Variants in ABR observed in about 807,000 individuals in gnomAD.
ABR encodes ABR activator of RhoGEF and GTPase, also known as active breakpoint cluster region-related protein.
In ABR, 35 loss-of-function variants were observed where a neutral mutation model predicts 107.2. The ratio of observed to expected loss-of-function variants is 0.33; its 90% CI spans 0.25 to 0.43. ABR has a LOEUF of 0.43. Among genes scored for constraint, ABR ranks in the 20% least tolerant of loss-of-function variants. The probability of loss-of-function intolerance (pLI) is 1.00; values close to 1 mark genes in which losing one functional copy is unlikely to be tolerated. For missense variants in ABR, 815 were observed against 1,115.2 expected (o/e 0.73, Z 3.83); for synonymous variants, 498 against 462.0 (o/e 1.08, Z -1.00).
At chr17:1,063,396 G>A (rs1439694798) in intron 10 of ABR, among the ~76,000 whole-genome samples, 5 of 146,338 alleles carry the variant, frequency 3.4e-5, no homozygotes, top group Admixed American at 6.9e-5. Flanking sequence ...CTGCTGTTAC[G>A]TGAACTGAGG....
chr17:1,088,316 G>T (rs926222703), intron 4 of ABR, among the ~76,000 whole-genome samples: 1 of 152,082 alleles, frequency 6.6e-6, no homozygotes, highest in African/African-American at 2.4e-5. Context: ...TGCCCCCCAG[G>T]CCACTCAGCT....
intron 1 of ABR, among the ~76,000 whole-genome samples, chr17:1,168,910 C>T (rs1484318944): frequency 6.6e-6 from 1 of 152,258 alleles, no homozygotes; most frequent in African/African-American, 2.4e-5. Context: ...TCATCCAGGC[C>T]TCCCAAGGGG....
chr17:1,013,230 G>C, intron 16 of ABR, 66 bp from the exon 17 acceptor site: 3 of 1,467,102 alleles, frequency 2.0e-6, no homozygotes, highest in Non-Finnish European at 1.9e-6. Flanking sequence ...TCTCCCCGTG[G>C]GTCAGCACTG....
At chr17:1,227,573 T>C (rs1295387239) in intron 1 of ABR, among the ~76,000 whole-genome samples, 1 of 152,252 alleles carries the variant, frequency 6.6e-6, no homozygotes, top group African/African-American at 2.4e-5. Context: ...GGACAGTTTT[T>C]CATTCAAATG....
chr17:1,146,152 G>A lies in ABR; in HGVS notation c.62-20785C>T, dbSNP rs1049565612. 1.8e-4 allele frequency among the ~76,000 whole-genome samples: 27 copies of A among 152,088 alleles called. 1 individual carries two copies. The highest frequency in any genetic ancestry group is 5.3e-4 in the African/African-American group (22 of 41,390). ...TTAGCCTCTTCCTTGGACATTCGACGTCACCATTCCTCCAGAGTGGTGCAA... is the reference window on the plus strand; with the variant it reads ...TTAGCCTCTTCCTTGGACATTCGACATCACCATTCCTCCAGAGTGGTGCAA... On this transcript the variant is annotated intron_variant, in intron 1 of 22. Transcript: ENST00000302538.
rs1282299698 is a variant in ABR, at chr17:1,010,212, C to G, written c.2237-428G>C. 1 of 241,180 alleles carries G rather than the reference C, an allele frequency of 4.1e-6. No individual in the cohort carries two copies. The highest frequency in any genetic ancestry group is 4.9e-5 in the Admixed American group (1 of 20,364). The allele number at this position is 241,180 out of a possible 1,614,324, so 14.9% of individuals were successfully genotyped here. ...CTTCCGTGGGGGCTGAAGCTCCAGT[C>G]TGCCCCAGGAGCAGAGAAGGCTGAA... On this transcript the variant is annotated intron_variant, in intron 20 of 22. Coordinates refer to ENST00000302538, the MANE Select transcript of ABR (RefSeq NM_021962.5). The surrounding 1 kb of genome is among the most constrained non-coding windows in gnomAD (Gnocchi z 4.1).
Position 1,011,889 on chromosome 17 carries a change from G to A in ABR, c.2058C>T (p.Gly686=), listed in dbSNP as rs774739681. ...IEEVGIYRIS[G]VATDIQALKA... is the part of the protein sequence containing the mutation. ...TGAGCGCCTGGATGTCCGTGGCCAC[G>A]CCCGATATCCTGTAGATGCCAACCT... The change falls in exon 19 of 23, where the codon GGC becomes GGT. Residue 686 remains glycine (G), a synonymous_variant. Coordinates refer to ENST00000302538, the MANE Select transcript of ABR (RefSeq NM_021962.5). The surrounding 1 kb of genome is among the most constrained non-coding windows in gnomAD (Gnocchi z 4.8). 29 of 1,602,534 alleles carry A rather than the reference G, an allele frequency of 1.8e-5. No homozygotes were observed. In the East Asian group the frequency reaches 4.9e-4, roughly 27 times the overall value.
In ABR at chr17:1,072,661, C is replaced by T. The variant is rs781719678; in HGVS notation, c.847G>A (p.Glu283Lys). ...ISQNFLSSIN[E>K]DIDPRRTAVT... ...GCAGTCCGGCGGGGGTCGATGTCCT[C>T]GTTGATGCTGGACAGGAAGTTCTGG... is the stretch of plus-strand genomic sequence containing the variant. Residue 283 changes from glutamate to lysine, a missense_variant, in exon 8 of 23, where the codon GAG becomes AAG. Physicochemically the swap from Glu to Lys is moderately conservative, Grantham distance 56 (BLOSUM62 1). Transcript: ENST00000302538. 21 of 1,612,860 alleles carry T rather than the reference C, an allele frequency of 1.3e-5. No individual in the cohort carries two copies. Among genetic ancestry groups the T allele is most frequent in the South Asian group, 4.4e-5 (4 of 90,882 alleles).
chr17:1,070,028 C>T lies in ABR; in HGVS notation c.957G>A (p.Arg319=). The T allele has an allele frequency of 6.2e-7, 1 of 1,613,586 alleles. No homozygotes were observed. The highest frequency in any genetic ancestry group is 8.5e-7 in the Non-Finnish European group (1 of 1,179,906). Residue 319 remains arginine, a synonymous_variant, in exon 9 of 23, where the codon CGG becomes CGA. Transcript: ENST00000302538. The surrounding 1 kb of genome is among the most constrained non-coding windows in gnomAD (Gnocchi z 4.2). ...GGACATCTGTAAAGAGGAAGACGTG[C>T]CGCAGCTTCCGGGAGCTCTCTGACA... is the stretch of plus-strand genomic sequence containing the variant. ...VEVSESSRKL[R]HVFLFTDVLL...
chr17:1,086,033 C>T (rs1162432231), intron 4 of ABR, among the ~76,000 whole-genome samples: 2 of 152,040 alleles, frequency 1.3e-5, no homozygotes, highest in Non-Finnish European at 2.9e-5. Flanking sequence ...GTAGTCCCAG[C>T]TACTTGGGAG....
chr17:1,083,659 G>A, intron 4 of ABR, 32 bp from the exon 5 acceptor site: 2 of 1,501,388 alleles, frequency 1.3e-6, no homozygotes, highest in Non-Finnish European at 9.3e-7. Context: ...CAGAGGGAGA[G>A]GAGGGTGGGA....
chr17:1,137,503 C>T (rs2040122438), intron 1 of ABR, among the ~76,000 whole-genome samples: 1 of 152,178 alleles, frequency 6.6e-6, no homozygotes, highest in Non-Finnish European at 1.5e-5. Context: ...GTGGGCGGAA[C>T]AGCCAGAACA....
intron 1 of ABR, among the ~76,000 whole-genome samples, chr17:1,134,909 CG>C (rs1276108386): frequency 6.6e-6 from 1 of 152,212 alleles, no homozygotes; most frequent in Non-Finnish European, 1.5e-5. Flanking sequence ...CCGTGTGAAA[CG>C]GGGGACGACA....
At chr17:1,042,473 C>T (rs1040632944) in intron 16 of ABR, among the ~76,000 whole-genome samples, 4 of 151,160 alleles carry the variant, frequency 2.6e-5, no homozygotes, top group African/African-American at 9.8e-5. Context: ...CAGCTACATC[C>T]ACGGGTGGGT....
chr17:1,025,872 G>A (rs1330631900), intron 16 of ABR, among the ~76,000 whole-genome samples: 3 of 152,186 alleles, frequency 2.0e-5, no homozygotes, highest in African/African-American at 4.8e-5. Flanking sequence ...CCTGGCACGT[G>A]GAAGGTGCTC....
chr17:1,221,616 G>A (rs1048298476), intron 1 of ABR, among the ~76,000 whole-genome samples: 12 of 152,152 alleles, frequency 7.9e-5, no homozygotes, highest in South Asian at 2.1e-4. Context: ...CAGGTTCCAC[G>A]GAAAATCAGC....
rs191737593 is a variant in ABR, at chr17:1,198,167, G to A, written c.838+30626C>T. 7.8e-4 allele frequency among the ~76,000 whole-genome samples: 119 copies of A among 151,664 alleles called. 4 individuals carry two copies. Among genetic ancestry groups the A allele is most frequent in the African/African-American group, 2.8e-3 (114 of 41,010 alleles). The stretch of plus-strand genomic sequence containing the variant: ...GAAGCCTCCCAGTCTCTGGGGCTGC[G>A]GGTTCTGTCTGCTCCCCCTCCCAGA... On this transcript the variant is annotated intron_variant, in intron 1 of 22. Coordinates refer to the ABR transcript ENST00000574139.
At chr17:1,149,961 G>A (rs2040725561) in intron 1 of ABR, among the ~76,000 whole-genome samples, 2 of 152,178 alleles carry the variant, frequency 1.3e-5, no homozygotes, top group African/African-American at 4.8e-5. Flanking sequence ...TGTGACAGTT[G>A]AATGAGTTAG....
intron 2 of ABR, among the ~76,000 whole-genome samples, chr17:1,123,987 G>A (rs895966754): frequency 1.3e-5 from 2 of 149,822 alleles, no homozygotes; most frequent in African/African-American, 4.9e-5. Flanking sequence ...CCTGCCCCCC[G>A]CCAGCCCTTC....
Sources: allele counts gnomAD v4.1 joint callset (sites outside exome capture counted in the v4.1 genomes callset), GRCh38; gene constraint gnomAD v4.1.1; non-coding constraint Gnocchi (gnomAD v3.1); transcripts MANE v1.5; gene names NCBI Gene and HGNC (gene_info 2026-07-23, HGNC 2026-07-21).